The following ABCC10 variants were observed in gnomAD, a reference collection of about 807,000 sequenced individuals.
The protein encoded by ABCC10 is ATP binding cassette subfamily C member 10, also known as ATP-binding cassette sub-family C member 10.
In ABCC10, 110 loss-of-function variants were observed where a neutral mutation model predicts 143.2. The observed-to-expected ratio is 0.77, with a 90% CI of 0.66 to 0.90. ABCC10 has a LOEUF of 0.90. ABCC10 is among the 40% of genes least tolerant of loss of function. The probability of loss-of-function intolerance (pLI) is 0.00; values close to 1 mark genes in which losing one functional copy is unlikely to be tolerated. For missense variants in ABCC10, 1,700 were observed against 1,900.5 expected (o/e 0.89, Z 1.96); for synonymous variants, 805 against 846.7 (o/e 0.95, Z 0.85).
rs751503637 is a variant in ABCC10, at chr6:43,446,382, G to A, written c.3480G>A (p.Ala1160=). The part of the protein sequence containing the change: ...WLDIRLQLMG[A]AVVSAIAGIA... ...ACATTCGGCTACAGCTCATGGGGGCGGCAGTGGTCAGCGCTATCGCAGGCA... is the reference window on the plus strand; with the variant it reads ...ACATTCGGCTACAGCTCATGGGGGCAGCAGTGGTCAGCGCTATCGCAGGCA... The change falls in exon 16 of 22, where the codon GCG becomes GCA. Residue 1160 remains alanine, a synonymous_variant. Transcript: ENST00000372530. 1.4e-5 allele frequency: 22 copies of A among 1,613,296 alleles called. No homozygotes were observed. Among genetic ancestry groups the A allele is most frequent in the South Asian group, 5.5e-5 (5 of 91,042 alleles).
intron 6 of ABCC10, among the ~76,000 whole-genome samples, chr6:43,437,262 A>G (rs1403698643): frequency 6.6e-6 from 1 of 152,102 alleles, no homozygotes; most frequent in Non-Finnish European, 1.5e-5. Flanking sequence ...ATTCCCATGG[A>G]AAGGTCTCAG....
At position 43,428,050 on chromosome 6, in the gene ABCC10, C is replaced by T; in HGVS notation, c.72C>T (p.Thr24=). Residue 24 remains threonine (T), a synonymous_variant, in exon 2 of 22, where the codon ACC becomes ACT. Coordinates refer to ENST00000372530, the MANE Select transcript of ABCC10 (RefSeq NM_001198934.2). ...AWPLPLWEGD[T]TGHCFTQLVL... ...CGCTCCCGCTGTGGGAGGGGGACAC[C>T]ACAGGCCACTGCTTCACCCAGCTGG... The T allele has an allele frequency of 6.3e-7, 1 of 1,597,262 alleles. No individual in the cohort carries two copies. The highest frequency in any genetic ancestry group is 8.5e-7 in the Non-Finnish European group (1 of 1,172,896).
intron 9 of ABCC10, among the ~76,000 whole-genome samples, chr6:43,442,599 A>G (rs1221306288): frequency 1.3e-5 from 2 of 152,018 alleles, no homozygotes; most frequent in African/African-American, 2.4e-5. Flanking sequence ...GCTTGATAGC[A>G]TGCACCTGTA....
intron 7 of ABCC10, 91 bp downstream of exon 7, chr6:43,438,104 G>A: frequency 7.1e-7 from 1 of 1,400,686 alleles, no homozygotes; most frequent in Non-Finnish European, 9.9e-7. Flanking sequence ...TGGGGGTCAG[G>A]GGTACTAAGA....
chr6:43,433,868 G>A (rs1781395093), intron 3 of ABCC10, among the ~76,000 whole-genome samples: 1 of 152,218 alleles, frequency 6.6e-6, no homozygotes, highest in Non-Finnish European at 1.5e-5. Context: ...TCACTTTCCT[G>A]CCTGGGTCAA....
intron 21 of ABCC10, 117 bp from the exon 22 acceptor site, chr6:43,449,811 CT>C: frequency 3.9e-6 from 5 of 1,270,972 alleles, no homozygotes; most frequent in Non-Finnish European, 5.5e-6. Context: ...AAGCCAGGGG[CT>C]AAAGCCTGTG....
At chr6:43,439,154 C>T (rs1782061387) in intron 8 of ABCC10, among the ~76,000 whole-genome samples, 1 of 152,046 alleles carries the variant, frequency 6.6e-6, no homozygotes, top group Admixed American at 6.5e-5. Context: ...TTGCAGGTTA[C>T]CCTAGGGAAA....
intron 2 of ABCC10, 91 bp downstream of exon 2, chr6:43,428,230 G>T (rs1034536590): frequency 9.7e-6 from 13 of 1,342,390 alleles, no homozygotes; most frequent in African/African-American, 4.4e-5. Flanking sequence ...CCAGAATAGC[G>T]AGGTCTCTGG....
At chr6:43,438,521 T>G in intron 7 of ABCC10, 103 bp from the exon 8 acceptor site, 1 of 1,503,192 alleles carries the variant, frequency 6.7e-7, no homozygotes, top group Non-Finnish European at 8.8e-7. Context: ...GGGGACCCTG[T>G]GTAGAAGACA....
At chr6:43,445,390 C>T in intron 14 of ABCC10, 76 bp downstream of exon 14, 2 of 1,498,306 alleles carry the variant, frequency 1.3e-6, no homozygotes, top group Non-Finnish European at 1.8e-6. Context: ...ACTCGGGCTC[C>T]ACTGGGGATG....
chr6:43,444,671 G>A, intron 12 of ABCC10, 117 bp from the exon 13 acceptor site: 5 of 1,438,534 alleles, frequency 3.5e-6, no homozygotes, highest in Non-Finnish European at 4.6e-6. Context: ...GGGAGGCCAG[G>A]CCAGGCGGAT....
chr6:43,431,903 A>G lies in ABCC10; in HGVS notation c.162-239A>G, dbSNP rs545151381. 6 of 1,368,636 alleles carry G rather than the reference A, an allele frequency of 4.4e-6. No individual in the cohort carries two copies. The Admixed American group carries it at 2.0e-4, about 46-fold the overall frequency. The allele number at this position is 1,368,636 out of a possible 1,614,324, so 84.8% of individuals were successfully genotyped here. A position where few individuals can be genotyped will look rare whatever the true frequency, so the allele number is the denominator to read the frequency against. ...ATCAGAAATGGTGTGGGTAGTTTAG[A>G]AAATGAGTTAGGTTCAGGTGGCCGG... On this transcript the variant is annotated intron_variant, in intron 2 of 21. Transcript: ENST00000372530.
chr6:43,450,479 ACCAC>A (rs1431498319), downstream of ABCC10: 1 of 1,508,362 alleles, frequency 6.6e-7, no homozygotes, highest in Non-Finnish European at 8.9e-7. The surrounding 1 kb of genome is among the most constrained non-coding windows in gnomAD (Gnocchi z 4.5). Context: ...GTGAGAACGG[ACCAC>A]TCCAGTCTGA....
chr6:43,428,113 C>T lies in ABCC10; in HGVS notation c.135C>T (p.Leu45=). 1.3e-6 allele frequency: 2 copies of T among 1,546,546 alleles called. No homozygotes were observed. Among genetic ancestry groups the T allele is most frequent in the Non-Finnish European group, 1.7e-6 (2 of 1,147,642 alleles). Residue 45 remains leucine, a synonymous_variant, in exon 2 of 22, where the codon CTC becomes CTT. Transcript: ENST00000372530. ...SALPHALLAV[L]SACYLGTPRS... ...TGCCCCACGCGCTCCTCGCCGTGCT[C>T]AGTGCCTGTTACTTGGGCACCCCGA...
chr6:43,437,979 T>G lies in ABCC10; in HGVS notation c.1921T>G (p.Ser641Ala). ...GGGGAAGGTCGGCTGTGGGAAGAGC[T>G]CCCTGCTGGCTGCCATCGCTGGAGA... ...IVGKVGCGKS[S>A]LLAAIAGELH... Residue 641 changes from serine to alanine, a missense_variant, in exon 7 of 22, where the codon TCC becomes GCC. Coordinates refer to ENST00000372530, the MANE Select transcript of ABCC10 (RefSeq NM_001198934.2). 1 of 1,613,320 alleles carries G rather than the reference T, an allele frequency of 6.2e-7. No individual in the cohort carries two copies. The highest frequency in any genetic ancestry group is 8.5e-7 in the Non-Finnish European group (1 of 1,179,778).
intron 6 of ABCC10, 103 bp downstream of exon 6, chr6:43,436,350 C>T: frequency 7.2e-7 from 1 of 1,395,842 alleles, no homozygotes; most frequent in Non-Finnish European, 9.8e-7. Flanking sequence ...GATGGCTCTG[C>T]AGCTCTAATT....
intron 8 of ABCC10, among the ~76,000 whole-genome samples, chr6:43,440,292 C>T (rs1320059706): frequency 6.6e-6 from 1 of 152,000 alleles, no homozygotes; most frequent in Non-Finnish European, 1.5e-5. Flanking sequence ...GAATGTACTA[C>T]CTCTAAGGCT....
In ABCC10 at chr6:43,429,328, A is replaced by T. The variant is rs4714685; in HGVS notation, c.161+1189A>T. Among the ~76,000 whole-genome samples the T allele has an allele frequency of 2.1e-4, 23 of 111,456 alleles. 1 individual carries two copies. In the East Asian group the frequency reaches 4.5e-3, roughly 22 times the overall value. 73.1% of individuals were successfully genotyped at this position (111,456 alleles called of 152,430 possible). On this transcript the variant is annotated intron_variant, in intron 2 of 21. Transcript: ENST00000372530. ...TCCCCACATCTTAGGAAATATATAT[A>T]TTTTTTTCTTTTCCTTCTTTCTTTT...
At position 43,432,621 on chromosome 6, in the gene ABCC10, C is replaced by T; in HGVS notation, c.641C>T (p.Ala214Val). Residue 214 changes from alanine (A) to valine (V), a missense_variant, in exon 3 of 22, where the codon GCT becomes GTT. Coordinates refer to ENST00000372530, the MANE Select transcript of ABCC10 (RefSeq NM_001198934.2). ...CCCGAGGATCAAGAACCTGAGGTGG[C>T]TGAAGATGGGGAGAGTTGGCTGTCA... ...LLPEDQEPEV[A>V]EDGESWLSRF... 1 of 1,613,922 alleles carries T rather than the reference C, an allele frequency of 6.2e-7. No homozygotes were observed. The highest frequency in any genetic ancestry group is 8.5e-7 in the Non-Finnish European group (1 of 1,180,030).
Sources: allele counts gnomAD v4.1 joint callset (sites outside exome capture counted in the v4.1 genomes callset), GRCh38; gene constraint gnomAD v4.1.1; non-coding constraint Gnocchi (gnomAD v3.1); transcripts MANE v1.5; gene names NCBI Gene and HGNC (gene_info 2026-07-23, HGNC 2026-07-21).